ZNF248: variants seen among roughly 807,000 people sequenced by gnomAD.
The protein encoded by ZNF248 is KRAB protein domain.
ZNF248 carries 20 observed loss-of-function variants against 44.3 expected under a neutral mutation model. That is an observed-to-expected ratio of 0.45 (90% CI 0.32 to 0.66). The LOEUF is 0.66. Ranked by LOEUF, ZNF248 falls within the 30% of genes least tolerant of loss-of-function variation. The pLI is 0.04. For synonymous variants in ZNF248, 224 were observed against 229.0 expected (o/e 0.98, Z 0.20); for missense variants, 654 against 677.0 (o/e 0.97, Z 0.38).
At chr10:37,771,800 C>A (rs2046249555), downstream of ZNF248, among the ~76,000 whole-genome samples, 1 of 151,834 alleles carries the variant, frequency 6.6e-6, no homozygotes, top group East Asian at 1.9e-4. Context: ...TTAAAAAAAA[C>A]AATCGATGCA....
chr10:37,770,093 A>T, the ZNF248 span, among the ~76,000 whole-genome samples: 2 of 152,216 alleles, frequency 1.3e-5, no homozygotes, highest in Non-Finnish European at 2.9e-5. Flanking sequence ...TTCAAGGAGA[A>T]CTACAAACCA....
chr10:37,770,045 A>G, the ZNF248 span, among the ~76,000 whole-genome samples: 1 of 152,212 alleles, frequency 6.6e-6, no homozygotes, highest in Non-Finnish European at 1.5e-5. Flanking sequence ...AGATTAAAAT[A>G]CCTAGAAATC....
intron 6 of ZNF248, among the ~76,000 whole-genome samples, chr10:37,796,699 T>C (rs1005703142): frequency 6.9e-6 from 1 of 145,676 alleles, no homozygotes; most frequent in Admixed American, 6.8e-5. Flanking sequence ...TAGGTTACCT[T>C]TTTTTTTTTT....
the ZNF248 span, among the ~76,000 whole-genome samples, chr10:37,762,401 C>G: frequency 6.6e-6 from 1 of 152,004 alleles, no homozygotes; most frequent in Admixed American, 6.6e-5. Context: ...AAGAATTTGC[C>G]CCAGATCACA....
intron 5 of ZNF248, 71 bp downstream of exon 5, chr10:37,837,546 G>T: frequency 7.7e-7 from 1 of 1,296,578 alleles, no homozygotes; most frequent in Non-Finnish European, 1.1e-6. Flanking sequence ...TTCCAAAGGT[G>T]ACAAATCCTA....
At chr10:37,780,715 G>A (rs1030346919) in intron 6 of ZNF248, among the ~76,000 whole-genome samples, 1 of 152,088 alleles carries the variant, frequency 6.6e-6, no homozygotes, top group Non-Finnish European at 1.5e-5. Context: ...GCGCGCGCAC[G>A]TGCCCAAACT....
At chr10:37,851,354 A>ACATTG (rs1429131961) in intron 3 of ZNF248, among the ~76,000 whole-genome samples, 10 of 152,204 alleles carry the variant, frequency 6.6e-5, no homozygotes, top group Non-Finnish European at 1.2e-4. Context: ...AATCTACATT[A>ACATTG]ATTAGCTTCA....
At chr10:37,760,917 T>C in the ZNF248 span, among the ~76,000 whole-genome samples, 2 of 152,270 alleles carry the variant, frequency 1.3e-5, no homozygotes, top group East Asian at 3.9e-4. Context: ...GAAACAAATG[T>C]CAGAAACATA....
In ZNF248 at chr10:37,830,429, A is replaced by G. The variant is rs974529807; in HGVS notation, c.*1186T>C. 1.2e-5 allele frequency: 12 copies of G among 985,268 alleles called. No individual in the cohort carries two copies. In the African/African-American group the frequency reaches 1.9e-4, roughly 16 times the overall value. 61.0% of individuals were successfully genotyped at this position (985,268 alleles called of 1,614,324 possible). A position where few individuals can be genotyped will look rare whatever the true frequency, so the allele number is the denominator to read the frequency against. ...TAAAAACATATACTGGCCAACCTACAAAGAGACTCCGGTAGTATTTAGAGT... is the reference window on the plus strand; with the variant it reads ...TAAAAACATATACTGGCCAACCTACGAAGAGACTCCGGTAGTATTTAGAGT... On this transcript the variant is annotated 3_prime_UTR_variant, in exon 6 of 6. Coordinates refer to ENST00000395867, the MANE Select transcript of ZNF248 (RefSeq NM_021045.3).
At chr10:37,844,282 G>A (rs925547714) in intron 3 of ZNF248, among the ~76,000 whole-genome samples, 4 of 152,104 alleles carry the variant, frequency 2.6e-5, no homozygotes, top group African/African-American at 9.7e-5. Flanking sequence ...CTTCAAAAAT[G>A]AAAGAGAAAT....
the ZNF248 span, among the ~76,000 whole-genome samples, chr10:37,767,757 T>A: frequency 3.9e-5 from 6 of 152,108 alleles, no homozygotes; most frequent in African/African-American, 1.2e-4. Context: ...AATGACAGAA[T>A]CAAATTCATA....
At chr10:37,779,263 C>A (rs2046990401) in intron 6 of ZNF248, among the ~76,000 whole-genome samples, 1 of 152,158 alleles carries the variant, frequency 6.6e-6, no homozygotes. Context: ...CTAAAATCCT[C>A]AATAAAATAC....
the ZNF248 span, among the ~76,000 whole-genome samples, chr10:37,765,691 C>T: frequency 1.3e-5 from 2 of 152,194 alleles, no homozygotes; most frequent in African/African-American, 4.8e-5. Context: ...CAGCTCCCAG[C>T]GTGAGCAATT....
chr10:37,803,367 A>T (rs887523482), intron 6 of ZNF248: 9 of 152,166 alleles, frequency 5.9e-5, no homozygotes, highest in African/African-American at 2.2e-4. Flanking sequence ...CTGTGTCCTC[A>T]CAGTCCTCAC....
chr10:37,857,872 C>CA (rs1272424330), upstream of ZNF248: 1 of 152,362 alleles, frequency 6.6e-6, no homozygotes, highest in African/African-American at 2.4e-5. Context: ...CCCCTTCTGA[C>CA]AGAGACGCCC....
intron 6 of ZNF248, among the ~76,000 whole-genome samples, chr10:37,797,635 C>T (rs2049314352): frequency 6.6e-6 from 1 of 151,952 alleles, no homozygotes; most frequent in East Asian, 1.9e-4. Context: ...AATTAAAAAG[C>T]AGGCAAAGGA....
At position 37,832,072 on chromosome 10, in the gene ZNF248, C is replaced by T. The variant is rs368764149; in HGVS notation, c.1283G>A (p.Arg428Gln). 8.1e-6 allele frequency: 13 copies of T among 1,613,770 alleles called. No individual in the cohort carries two copies. The highest frequency in any genetic ancestry group is 2.7e-5 in the African/African-American group (2 of 74,858). Reference sequence around the variant, plus strand: ...ATAGGGTTTTTCTCCTGTATGTGTTCGCTGATGGTTGGTCAGGTGTGGTTT... The same window carrying T: ...ATAGGGTTTTTCTCCTGTATGTGTTTGCTGATGGTTGGTCAGGTGTGGTTT... ...CQKPHLTNHQRTHTGEKPYEC... is the reference protein window; with the variant it reads ...CQKPHLTNHQQTHTGEKPYEC... Residue 428 changes from arginine to glutamine, a missense_variant, in exon 6 of 6, where the codon CGA (arginine) becomes CAA (glutamine). Coordinates refer to ENST00000395867, the MANE Select transcript of ZNF248 (RefSeq NM_021045.3).
intron 6 of ZNF248, among the ~76,000 whole-genome samples, chr10:37,816,006 A>AG (rs398013251): frequency 1.3e-4 from 14 of 108,044 alleles, no homozygotes; most frequent in Non-Finnish European, 3.1e-4. Flanking sequence ...AAAAAAAAAA[A>AG]GAGAGAGAGA....
At chr10:37,841,905 TTATC>T (rs1398083402) in intron 3 of ZNF248, among the ~76,000 whole-genome samples, 1 of 152,044 alleles carries the variant, frequency 6.6e-6, no homozygotes, top group Non-Finnish European at 1.5e-5. Flanking sequence ...ACTGTCAGGG[TTATC>T]AAAAACAAGG....
Sources: allele counts gnomAD v4.1 joint callset (sites outside exome capture counted in the v4.1 genomes callset), GRCh38; gene constraint gnomAD v4.1.1; transcripts MANE v1.5; gene names NCBI Gene and HGNC (gene_info 2026-07-23, HGNC 2026-07-21).